TAFAZZIN: variants seen among roughly 807,000 people sequenced by gnomAD.
TAFAZZIN encodes the protein tafazzin, phospholipid-lysophospholipid transacylase, also known as protein G4.5.
Under a neutral mutation model 27.3 loss-of-function variants are expected in TAFAZZIN, and 6 were observed. The ratio of observed to expected loss-of-function variants is 0.22; its 90% CI spans 0.12 to 0.43. The LOEUF (loss-of-function observed/expected upper bound fraction) is 0.43. Ranked by LOEUF, TAFAZZIN falls within the 20% of genes least tolerant of loss-of-function variation. The probability of loss-of-function intolerance (pLI) is 1.00; values close to 1 mark genes in which losing one functional copy is unlikely to be tolerated. For missense variants in TAFAZZIN, 127 were observed against 244.5 expected, an observed-to-expected ratio of 0.52 and a Z score of 3.21; for synonymous variants, 79 against 96.2, an observed-to-expected ratio of 0.82 and a Z score of 1.04.
rs1237501172 is a variant in TAFAZZIN at position 154,412,986 on chromosome X, A to G, written c.239-221A>G. On this transcript the variant is annotated intron_variant, in intron 2 of 10. Coordinates refer to ENST00000601016, the MANE Select transcript of TAFAZZIN (RefSeq NM_000116.5). Reference sequence around the variant, plus strand: ...TGGGCATTGTCCAAGTATGTTGGGGAGGTAGGCAGTCCAGGTGCAGTGATT... The same window carrying G: ...TGGGCATTGTCCAAGTATGTTGGGGGGGTAGGCAGTCCAGGTGCAGTGATT... The G allele has an allele frequency of 6.4e-6, 3 of 467,026 alleles. No individual in the cohort carries two copies. In the African/African-American group the frequency reaches 7.2e-5, roughly 11 times the overall value. The allele number at this position is 467,026 out of a possible 1,213,427, so 38.5% of individuals were successfully genotyped here. A position where few individuals can be genotyped will look rare whatever the true frequency, so the allele number is the denominator to read the frequency against.
intron 5 of TAFAZZIN, among the ~76,000 whole-genome samples, chrX:154,416,505 G>A (rs1343200176): frequency 2.7e-5 from 3 of 111,993 alleles, no homozygotes; most frequent in Non-Finnish European, 5.6e-5. Flanking sequence ...TGGACATGAG[G>A]AGCCCAGTTC....
intron 5 of TAFAZZIN, among the ~76,000 whole-genome samples, chrX:154,417,463 C>T (rs782005067): frequency 1.7e-4 from 19 of 112,652 alleles, no homozygotes; most frequent in Non-Finnish European, 3.2e-4. Context: ...GAATGGAGAC[C>T]GCAGGGGCGG....
chrX:154,415,389 G>A, intron 5 of TAFAZZIN, among the ~76,000 whole-genome samples: 1 of 110,923 alleles, frequency 9.0e-6, no homozygotes. Flanking sequence ...GCCCAACCCA[G>A]CCCAGGAATT....
intron 5 of TAFAZZIN, among the ~76,000 whole-genome samples, chrX:154,416,849 CA>C (rs781997685): frequency 4.5e-5 from 5 of 111,567 alleles, no homozygotes; most frequent in African/African-American, 1.3e-4. Context: ...GAAGAATGAT[CA>C]GGGGGCTGGG....
At position 154,421,723 on chromosome X, in the gene TAFAZZIN, A is replaced by G; in HGVS notation, c.*719A>G. 4 of 329,706 alleles carry G rather than the reference A, an allele frequency of 1.2e-5. No homozygotes were observed. The highest frequency in any genetic ancestry group is 2.4e-5 in the Non-Finnish European group (4 of 170,050). The allele number at this position is 329,706 out of a possible 1,213,427, so 27.2% of individuals were successfully genotyped here. A position where few individuals can be genotyped will look rare whatever the true frequency, so the allele number is the denominator to read the frequency against. On this transcript the variant is annotated 3_prime_UTR_variant, in exon 11 of 11. Coordinates refer to ENST00000601016, the MANE Select transcript of TAFAZZIN (RefSeq NM_000116.5). ...TAAAGCATATGTGTTGGCTTGTTGT[A>G]AAATGTCTCTGGCCTCTCTGTAGGG...
chrX:154,416,274 G>T (rs1466665644), intron 5 of TAFAZZIN, among the ~76,000 whole-genome samples: 1 of 111,468 alleles, frequency 9.0e-6, no homozygotes, highest in Non-Finnish European at 1.9e-5. Context: ...GCAGGTGCCT[G>T]TAGTCCCAGC....
At chrX:154,419,367 C>G in intron 5 of TAFAZZIN, 176 bp from the exon 6 acceptor site, 1 of 499,718 alleles carries the variant, frequency 2.0e-6, no homozygotes, top group South Asian at 3.0e-5. Context: ...ATGGGAAGTC[C>G]CTAATCTGCT....
chrX:154,416,693 G>C (rs782663354), intron 5 of TAFAZZIN, among the ~76,000 whole-genome samples: 1 of 111,678 alleles, frequency 9.0e-6, no homozygotes, highest in Non-Finnish European at 1.9e-5. Flanking sequence ...GCTGAGCCAC[G>C]GGGAGAAGGG....
rs1557193872 is a variant in TAFAZZIN, at chrX:154,419,639, T to C, written c.541+16T>C. The C allele has an allele frequency of 1.2e-5, 15 of 1,211,635 alleles. No homozygotes were observed. Among genetic ancestry groups the C allele is most frequent in the Non-Finnish European group, 1.7e-5 (15 of 894,898 alleles). On this transcript the variant is annotated intron_variant, in intron 6 of 10. Transcript: ENST00000601016. ...TTCCCAGAAGGTCAGCAGGGCTGAC[T>C]GGGTCGAGCCCCCCCAGTATGAGCG...
intron 3 of TAFAZZIN, 96 bp from the exon 4 acceptor site, chrX:154,413,386 C>T: frequency 8.3e-7 from 1 of 1,208,658 alleles, no homozygotes; most frequent in Non-Finnish European, 1.1e-6. Context: ...GCCCCGCAGG[C>T]CCTCCCCTGT....
At chrX:154,417,688 C>T (rs781963865) in intron 5 of TAFAZZIN, among the ~76,000 whole-genome samples, 2 of 112,240 alleles carry the variant, frequency 1.8e-5, no homozygotes, top group South Asian at 3.7e-4. Flanking sequence ...TCAGAAGCAG[C>T]CCCCTGGAGC....
chrX:154,411,602 C>T lies in TAFAZZIN; in HGVS notation c.-242C>T. On this transcript the variant is annotated 5_prime_UTR_variant, in exon 1 of 11. Coordinates refer to ENST00000601016, the MANE Select transcript of TAFAZZIN (RefSeq NM_000116.5). ...CGCCTTCCCGTTTCCTCCCGTTCCG[C>T]AGCGCGCCCACGGCCTGTGACCCCG... 1 of 443,268 alleles carries T rather than the reference C, an allele frequency of 2.3e-6. No homozygotes were observed. Among genetic ancestry groups the T allele is most frequent in the Non-Finnish European group, 4.1e-6 (1 of 246,037 alleles). 36.5% of individuals were successfully genotyped at this position (443,268 alleles called of 1,213,427 possible). A position where few individuals can be genotyped will look rare whatever the true frequency, so the allele number is the denominator to read the frequency against.
At chrX:154,417,512 CAGAA>C (rs2068524173) in intron 5 of TAFAZZIN, among the ~76,000 whole-genome samples, 1 of 112,722 alleles carries the variant, frequency 8.9e-6, no homozygotes, top group African/African-American at 3.2e-5. Flanking sequence ...GAAAAAGAGA[CAGAA>C]GGAAGGGTAA....
chrX:154,417,211 G>C (rs1381401627), intron 5 of TAFAZZIN, among the ~76,000 whole-genome samples: 10 of 112,440 alleles, frequency 8.9e-5, no homozygotes, highest in African/African-American at 3.2e-4. Flanking sequence ...AGTCACGAAT[G>C]CAGAGTGAGA....
At chrX:154,412,811 G>A (rs1282351044) in intron 2 of TAFAZZIN, 7 of 264,730 alleles carry the variant, frequency 2.6e-5, no homozygotes, top group Non-Finnish European at 4.8e-5. Context: ...CCACACTGGA[G>A]CCCTTCAGAG....
intron 5 of TAFAZZIN, among the ~76,000 whole-genome samples, chrX:154,415,007 A>G (rs1264493403): frequency 1.8e-5 from 2 of 109,261 alleles, no homozygotes; most frequent in African/African-American, 3.3e-5. Flanking sequence ...AAAAAAAAAA[A>G]AAGAATTTTG....
chrX:154,419,418 C>T (rs1396131704), intron 5 of TAFAZZIN, 125 bp from the exon 6 acceptor site: 2 of 731,064 alleles, frequency 2.7e-6, no homozygotes, highest in African/African-American at 4.2e-5. Flanking sequence ...GGATAGTCCC[C>T]AACACATGGG....
At chrX:154,419,872 A>G (rs1312896599) in intron 7 of TAFAZZIN, 126 bp downstream of exon 7, 2 of 1,089,523 alleles carry the variant, frequency 1.8e-6, no homozygotes, top group Non-Finnish European at 2.5e-6. Context: ...AGCGCCAGGA[A>G]GGGGACAGGT....
chrX:154,419,209 G>A, intron 5 of TAFAZZIN: 1 of 329,444 alleles, frequency 3.0e-6, no homozygotes, highest in South Asian at 4.1e-5. Flanking sequence ...TGCCAGGTCA[G>A]AATCTCGGTA....
Sources: allele counts gnomAD v4.1 joint callset (sites outside exome capture counted in the v4.1 genomes callset), GRCh38; gene constraint gnomAD v4.1.1; transcripts MANE v1.5; gene names NCBI Gene and HGNC (gene_info 2026-07-23, HGNC 2026-07-21).